Variants in CDK8 observed in about 807,000 individuals in gnomAD.
CDK8 encodes cyclin dependent kinase 8.
CDK8 carries 29 observed loss-of-function variants against 71.5 expected under a neutral mutation model. The observed-to-expected ratio is 0.41, with a 90% CI of 0.30 to 0.55. The LOEUF (loss-of-function observed/expected upper bound fraction) is 0.55. Among genes scored for constraint, CDK8 ranks in the 20% least tolerant of loss-of-function variants. CDK8 has a pLI of 0.37. For synonymous variants in CDK8, 161 were observed against 192.1 expected (o/e 0.84, Z 1.34); for missense variants, 288 against 572.6 (o/e 0.50, Z 5.07).
chr13:26,366,017 A>C (rs1161030863), intron 4 of CDK8, among the ~76,000 whole-genome samples: 1 of 152,118 alleles, frequency 6.6e-6, no homozygotes, highest in African/African-American at 2.4e-5. Context: ...ACTTTCTAGT[A>C]ATAGAGTCAG....
intron 4 of CDK8, among the ~76,000 whole-genome samples, chr13:26,376,220 CAAGTT>C (rs5802373): frequency 0.83 from 125,633 of 150,848 alleles, 53,841 homozygotes; most frequent in East Asian, 0.99. Context: ...TTTAATACAT[CAAGTT>C]AAATTAATAA....
intron 3 of CDK8, among the ~76,000 whole-genome samples, chr13:26,351,116 A>G (rs1311829226): frequency 6.6e-6 from 1 of 152,188 alleles, no homozygotes; most frequent in East Asian, 1.9e-4. Context: ...AGTTTAAGAA[A>G]CAAGTAAACT....
chr13:26,343,869 G>A (rs1873349248), intron 2 of CDK8, among the ~76,000 whole-genome samples: 1 of 151,662 alleles, frequency 6.6e-6, no homozygotes, highest in South Asian at 2.1e-4. Flanking sequence ...TATTCTATAA[G>A]TTTTTTTCTA....
At chr13:26,333,234 G>A (rs541470952) in intron 1 of CDK8, among the ~76,000 whole-genome samples, 114 of 151,914 alleles carry the variant, frequency 7.5e-4, no homozygotes, top group African/African-American at 1.9e-3. Flanking sequence ...CTACCTCCTG[G>A]GTTCAAGCAA....
At chr13:26,333,574 G>A (rs1942743471) in intron 1 of CDK8, among the ~76,000 whole-genome samples, 1 of 152,208 alleles carries the variant, frequency 6.6e-6, no homozygotes, top group African/African-American at 2.4e-5. Context: ...GGCAGAGATA[G>A]TGACACTTTT....
At chr13:26,374,662 CAATA>C (rs1874861553) in intron 4 of CDK8, among the ~76,000 whole-genome samples, 1 of 151,418 alleles carries the variant, frequency 6.6e-6, no homozygotes, top group African/African-American at 2.4e-5. Flanking sequence ...AAAGTCTTGT[CAATA>C]AAACAAAACT....
rs1450483792 is a variant in CDK8, at chr13:26,310,063, C to CT, written c.129-27498dup. 1.4e-4 allele frequency among the ~76,000 whole-genome samples: 21 copies of CT among 152,314 alleles called. 1 individual carries two copies. The highest frequency in any genetic ancestry group is 5.1e-4 in the African/African-American group (21 of 41,582). On this transcript the variant is annotated intron_variant, in intron 1 of 12. Coordinates refer to ENST00000381527, the MANE Select transcript of CDK8 (RefSeq NM_001260.3). The stretch of plus-strand genomic sequence containing the variant: ...GAGCCACTGTGCCCAGCCTTACCAT[C>CT]TTTTTTAATATATAGCTTAGAGGTA...
intron 4 of CDK8, among the ~76,000 whole-genome samples, chr13:26,358,264 A>C (rs1199407996): frequency 6.6e-6 from 1 of 152,070 alleles, no homozygotes; most frequent in African/African-American, 2.4e-5. Context: ...GCGCCACTGC[A>C]CTCCAGCCTG....
At chr13:26,256,092 C>T (rs529833263) in intron 1 of CDK8, among the ~76,000 whole-genome samples, 29 of 152,208 alleles carry the variant, frequency 1.9e-4, no homozygotes, top group Admixed American at 1.3e-3. Flanking sequence ...TGCTTTTATG[C>T]AACAGTAAAG....
intron 1 of CDK8, among the ~76,000 whole-genome samples, chr13:26,291,385 T>C (rs143292871): frequency 2.4e-4 from 36 of 152,292 alleles, no homozygotes; most frequent in African/African-American, 8.7e-4. Context: ...TGTATGTATA[T>C]ACATATAGAA....
intron 1 of CDK8, among the ~76,000 whole-genome samples, chr13:26,273,632 G>A (rs1374989476): frequency 7.3e-6 from 1 of 136,186 alleles, no homozygotes; most frequent in Non-Finnish European, 1.8e-5. Context: ...TAAAACATTA[G>A]CCATCATATG....
intron 1 of CDK8, among the ~76,000 whole-genome samples, chr13:26,278,435 C>T (rs547776700): frequency 8.5e-5 from 13 of 152,252 alleles, no homozygotes; most frequent in Non-Finnish European, 1.5e-4. Context: ...CTCCGACCAC[C>T]GTTTCCCTTT....
intron 2 of CDK8, among the ~76,000 whole-genome samples, chr13:26,340,131 A>G (rs1217386887): frequency 1.3e-5 from 2 of 152,146 alleles, no homozygotes; most frequent in African/African-American, 4.8e-5. Flanking sequence ...ATTTTATCAA[A>G]TGCTTTTTTC....
At chr13:26,307,051 A>G (rs1874078267) in intron 1 of CDK8, among the ~76,000 whole-genome samples, 1 of 152,214 alleles carries the variant, frequency 6.6e-6, no homozygotes, top group African/African-American at 2.4e-5. Flanking sequence ...ACAAAGACAT[A>G]CTAAGAACAT....
At chr13:26,359,747 A>G in intron 4 of CDK8, 1 of 429,588 alleles carries the variant, frequency 2.3e-6, no homozygotes, top group Middle Eastern at 3.4e-4. Flanking sequence ...TGGAGTCATC[A>G]CTCTGTTGCC....
At chr13:26,333,867 TG>T (rs1324644790) in intron 1 of CDK8, among the ~76,000 whole-genome samples, 1 of 152,222 alleles carries the variant, frequency 6.6e-6, no homozygotes, top group Non-Finnish European at 1.5e-5. Context: ...CTACTTCCCT[TG>T]GATCATTACT....
chr13:26,373,631 T>C (rs138642405), intron 4 of CDK8, among the ~76,000 whole-genome samples: 9 of 152,258 alleles, frequency 5.9e-5, no homozygotes, highest in African/African-American at 2.2e-4. Context: ...TCAACTGTTA[T>C]GTAGTCATTA....
At chr13:26,308,829 T>C (rs776561179) in intron 1 of CDK8, among the ~76,000 whole-genome samples, 13 of 152,148 alleles carry the variant, frequency 8.5e-5, no homozygotes, top group Non-Finnish European at 1.5e-4. Flanking sequence ...TCCACTTAAC[T>C]GTACTTGCTA....
intron 2 of CDK8, among the ~76,000 whole-genome samples, chr13:26,339,544 T>C (rs1338894365): frequency 6.6e-6 from 1 of 151,328 alleles, no homozygotes; most frequent in Non-Finnish European, 1.5e-5. Flanking sequence ...TTGTTTGGGG[T>C]ATTTTAGGTT....
Sources: gnomAD v4.1 joint callset for allele counts (sites outside exome capture counted in the v4.1 genomes callset) on GRCh38, gnomAD v4.1.1 for gene constraint, MANE v1.5 for transcripts, NCBI Gene and HGNC (gene_info 2026-07-23, HGNC 2026-07-21) for gene names.